The following GRIN2A variants were observed in gnomAD, a reference collection of about 807,000 sequenced individuals.
GRIN2A encodes the protein glutamate ionotropic receptor NMDA type subunit 2A.
GRIN2A carries 22 observed loss-of-function variants against 113.4 expected under a neutral mutation model. That is an observed-to-expected ratio of 0.19 (90% CI 0.14 to 0.28). GRIN2A has a LOEUF of 0.28. Ranked by LOEUF, GRIN2A falls within the 10% of genes least tolerant of loss-of-function variation. The pLI is 1.00. For missense variants in GRIN2A, 1,502 were observed against 1,887.0 expected (o/e 0.80, Z 3.78); for synonymous variants, 827 against 738.4 (o/e 1.12, Z -1.94).
At chr16:9,923,343 AT>A (rs2044393346) in intron 3 of GRIN2A, among the ~76,000 whole-genome samples, 1 of 152,020 alleles carries the variant, frequency 6.6e-6, no homozygotes, top group African/African-American at 2.4e-5. Flanking sequence ...ATGCTTTTAT[AT>A]TTAAAGTGGG....
intron 2 of GRIN2A, among the ~76,000 whole-genome samples, chr16:10,131,279 G>C (rs1034471037): frequency 6.6e-6 from 1 of 152,140 alleles, no homozygotes; most frequent in African/African-American, 2.4e-5. Context: ...GTAGTGAGGG[G>C]CCATGGAGAT....
chr16:10,130,925 A>G (rs2142217138), intron 2 of GRIN2A, among the ~76,000 whole-genome samples: 1 of 152,344 alleles, frequency 6.6e-6, no homozygotes, highest in South Asian at 2.1e-4. Context: ...AGCTATCCTG[A>G]GAAGTGTGGG....
rs190360317 is a variant in GRIN2A, at chr16:9,992,787, C to G, written c.415-54236G>C. ...AAATCTGACACAGAGAGACAATACT[C>G]GGCTATGTAAATCGGTGCATAACAT... is the stretch of plus-strand genomic sequence containing the variant. On this transcript the variant is annotated intron_variant, in intron 2 of 12. Transcript: ENST00000330684. Among the ~76,000 whole-genome samples the G allele has an allele frequency of 9.2e-5, 14 of 152,280 alleles. No individual in the cohort carries two copies. The East Asian group carries it at 2.3e-3, about 25-fold the overall frequency.
In GRIN2A at chr16:10,018,101, T is replaced by A. The variant is rs76229820; in HGVS notation, c.415-79550A>T. Among the ~76,000 whole-genome samples the A allele has an allele frequency of 6.0e-3, 916 of 152,314 alleles. 6 individuals carry two copies. The highest frequency in any genetic ancestry group is 9.7e-3 in the Non-Finnish European group (662 of 68,034). The stretch of plus-strand genomic sequence containing the variant: ...TTCCAATTTTCTACGATGAGAGTAG[T>A]TACTTTTACATTTAGAAGAATCAAA... On this transcript the variant is annotated intron_variant, in intron 2 of 12. Coordinates refer to ENST00000330684, the MANE Select transcript of GRIN2A (RefSeq NM_001134407.3).
chr16:10,154,980 A>T (rs1031574670), intron 2 of GRIN2A, among the ~76,000 whole-genome samples: 34 of 152,254 alleles, frequency 2.2e-4, no homozygotes, highest in African/African-American at 8.0e-4. Flanking sequence ...TCGTTCAAAC[A>T]GCAGGAAATA....
At chr16:9,925,463 T>C (rs780750418) in intron 3 of GRIN2A, among the ~76,000 whole-genome samples, 3 of 152,160 alleles carry the variant, frequency 2.0e-5, no homozygotes, top group Non-Finnish European at 4.4e-5. Context: ...CAGATCTCCA[T>C]TTACGCGGAT....
At chr16:9,958,737 G>C (rs2045363396) in intron 2 of GRIN2A, among the ~76,000 whole-genome samples, 1 of 151,966 alleles carries the variant, frequency 6.6e-6, no homozygotes, top group Admixed American at 6.6e-5. Flanking sequence ...GCAGAAATTA[G>C]AACCTGAATA....
At chr16:9,978,888 C>T (rs1482302434) in intron 2 of GRIN2A, among the ~76,000 whole-genome samples, 4 of 152,186 alleles carry the variant, frequency 2.6e-5, no homozygotes, top group African/African-American at 9.7e-5. Context: ...GGGAGAGAAG[C>T]AGATGGATGT....
Position 9,994,395 on chromosome 16 carries a change from C to T in GRIN2A, c.415-55844G>A, listed in dbSNP as rs139742801. Among the ~76,000 whole-genome samples the T allele has an allele frequency of 2.0e-5, 3 of 152,200 alleles. No individual in the cohort carries two copies. In the East Asian group the frequency reaches 5.8e-4, roughly 29 times the overall value. ...TGTCATTGTTCCAGAGAATGTGGAGCCCTCCTCGTCCCCAGGTGGGAGGTG... is the reference window on the plus strand; with the variant it reads ...TGTCATTGTTCCAGAGAATGTGGAGTCCTCCTCGTCCCCAGGTGGGAGGTG... On this transcript the variant is annotated intron_variant, in intron 2 of 12. Coordinates refer to ENST00000330684, the MANE Select transcript of GRIN2A (RefSeq NM_001134407.3).
intron 2 of GRIN2A, chr16:10,112,189 T>C (rs528720868): frequency 1.2e-5 from 7 of 585,536 alleles, no homozygotes; most frequent in African/African-American, 7.4e-5. Context: ...ATCAACGTCA[T>C]AGTCTTGGAC....
At chr16:9,912,970 T>A (rs1303386109) in intron 3 of GRIN2A, among the ~76,000 whole-genome samples, 2 of 152,240 alleles carry the variant, frequency 1.3e-5, no homozygotes, top group African/African-American at 2.4e-5. Flanking sequence ...CCAACAGAAC[T>A]GCTCCCTCTG....
intron 4 of GRIN2A, among the ~76,000 whole-genome samples, chr16:9,879,916 A>G (rs1391643184): frequency 6.6e-6 from 1 of 152,256 alleles, no homozygotes; most frequent in Non-Finnish European, 1.5e-5. Context: ...ATTAAGTGCC[A>G]TAACCTATCA....
intron 2 of GRIN2A, among the ~76,000 whole-genome samples, chr16:10,049,008 C>T (rs2141979770): frequency 6.6e-6 from 1 of 152,292 alleles, no homozygotes; most frequent in East Asian, 1.9e-4. Context: ...CTATTCTAAG[C>T]TATTTACCTC....
chr16:10,012,074 T>TC (rs1048452874), intron 2 of GRIN2A, among the ~76,000 whole-genome samples: 5 of 152,206 alleles, frequency 3.3e-5, no homozygotes, highest in African/African-American at 1.2e-4. Context: ...TTGGCTTTTT[T>TC]TGTAAGCTAC....
intron 4 of GRIN2A, among the ~76,000 whole-genome samples, chr16:9,889,665 A>T (rs1222778590): frequency 1.3e-5 from 2 of 152,096 alleles, no homozygotes; most frequent in Admixed American, 1.3e-4. Flanking sequence ...TTTCATTATC[A>T]TTCTGACTAA....
intron 2 of GRIN2A, among the ~76,000 whole-genome samples, chr16:9,980,935 A>G (rs2045880490): frequency 6.6e-6 from 1 of 152,010 alleles, no homozygotes; most frequent in Non-Finnish European, 1.5e-5. Flanking sequence ...ACATGTACAC[A>G]TATGTAACAA....
chr16:9,825,598 ATATC>A (rs1014146478), intron 9 of GRIN2A, among the ~76,000 whole-genome samples: 12 of 152,328 alleles, frequency 7.9e-5, no homozygotes, highest in Admixed American at 5.2e-4. Flanking sequence ...TTTATTAAAA[ATATC>A]TATCTGTCTT....
intron 2 of GRIN2A, among the ~76,000 whole-genome samples, chr16:10,093,521 C>G (rs1302572762): frequency 6.6e-6 from 1 of 151,824 alleles, no homozygotes; most frequent in African/African-American, 2.4e-5. Flanking sequence ...ACTCAAGTGA[C>G]AGTATTATAG....
chr16:10,177,191 T>C (rs2050165406), intron 2 of GRIN2A, among the ~76,000 whole-genome samples: 1 of 152,250 alleles, frequency 6.6e-6, no homozygotes, highest in Non-Finnish European at 1.5e-5. Context: ...AAGCCATCTA[T>C]ATATGTTACT....
Sources: gnomAD v4.1 joint callset for allele counts (sites outside exome capture counted in the v4.1 genomes callset) on GRCh38, gnomAD v4.1.1 for gene constraint, MANE v1.5 for transcripts, NCBI Gene and HGNC (gene_info 2026-07-23, HGNC 2026-07-21) for gene names.